Variants in ULK4 observed in about 807,000 individuals in gnomAD.
ULK4 encodes the protein inactive serine/threonine-protein kinase ULK4.
In ULK4, 133 loss-of-function variants were observed where a neutral mutation model predicts 160.6. That is an observed-to-expected ratio of 0.83 (90% CI 0.72 to 0.96). The LOEUF is 0.96. ULK4 is among the 40% of genes least tolerant of loss of function. The pLI is 0.00. For synonymous variants in ULK4, 534 were observed against 539.8 expected (o/e 0.99, Z 0.15); for missense variants, 1,580 against 1,499.5 (o/e 1.05, Z -0.89).
chr3:41,405,161 A>G (rs919486928), intron 34 of ULK4, among the ~76,000 whole-genome samples: 3 of 151,692 alleles, frequency 2.0e-5, no homozygotes, highest in African/African-American at 7.3e-5. Context: ...CCCAGTGTCT[A>G]TTTTTGCCAT....
intron 32 of ULK4, among the ~76,000 whole-genome samples, chr3:41,509,995 T>A (rs1166884609): frequency 2.0e-5 from 3 of 152,198 alleles, no homozygotes; most frequent in Non-Finnish European, 4.4e-5. Flanking sequence ...TAACGTTGAA[T>A]GTGAAATGGC....
chr3:41,481,329 G>A (rs532182020), intron 32 of ULK4, among the ~76,000 whole-genome samples: 2 of 152,324 alleles, frequency 1.3e-5, no homozygotes, highest in East Asian at 1.9e-4. Flanking sequence ...CCGAGGCAGA[G>A]AAACAGTGAA....
At chr3:41,687,612 T>C (rs2036143790) in intron 27 of ULK4, among the ~76,000 whole-genome samples, 1 of 152,166 alleles carries the variant, frequency 6.6e-6, no homozygotes, top group Non-Finnish European at 1.5e-5. Flanking sequence ...GTTGACTAGA[T>C]TCCTGTGCCT....
At chr3:41,325,118 A>C (rs1158363207) in intron 35 of ULK4, among the ~76,000 whole-genome samples, 1 of 152,170 alleles carries the variant, frequency 6.6e-6, no homozygotes, top group African/African-American at 2.4e-5. Context: ...TGATGCTTTA[A>C]ATGATATGTT....
chr3:41,446,211 A>C (rs9858044), intron 34 of ULK4, among the ~76,000 whole-genome samples: 39,356 of 151,962 alleles, frequency 0.26, 5,460 homozygotes, highest in African/African-American at 0.36. Flanking sequence ...GCAATCATTA[A>C]AAAGTCAGGA....
chr3:41,620,609 C>T (rs2033197887), intron 30 of ULK4, among the ~76,000 whole-genome samples: 1 of 152,102 alleles, frequency 6.6e-6, no homozygotes, highest in Non-Finnish European at 1.5e-5. Context: ...ATTGATGGAA[C>T]ATATGTCAAA....
intron 2 of ULK4, among the ~76,000 whole-genome samples, chr3:41,947,221 G>C (rs1471910621): frequency 2.0e-5 from 3 of 152,196 alleles, no homozygotes; most frequent in Non-Finnish European, 4.4e-5. Flanking sequence ...TCAGGCAGGA[G>C]AATGGCGTGA....
chr3:41,623,790 T>C (rs1471093583), intron 30 of ULK4, among the ~76,000 whole-genome samples: 1 of 152,138 alleles, frequency 6.6e-6, no homozygotes, highest in Non-Finnish European at 1.5e-5. Context: ...TAATGTAGTA[T>C]GTATTTCAAA....
intron 31 of ULK4, among the ~76,000 whole-genome samples, chr3:41,592,033 C>T (rs2031370953): frequency 6.6e-6 from 1 of 152,178 alleles, no homozygotes; most frequent in Admixed American, 6.5e-5. Context: ...TCCAGAACTA[C>T]TGCAGGAATA....
chr3:41,856,428 G>A (rs994233748), intron 17 of ULK4, among the ~76,000 whole-genome samples: 1 of 148,450 alleles, frequency 6.7e-6, no homozygotes, highest in African/African-American at 2.5e-5. Flanking sequence ...AATATACAGT[G>A]TACAAAACAA....
At chr3:41,635,118 C>T (rs1479849693) in intron 30 of ULK4, among the ~76,000 whole-genome samples, 1 of 152,114 alleles carries the variant, frequency 6.6e-6, no homozygotes, top group Admixed American at 6.6e-5. Context: ...GTCCCATTTC[C>T]TATAAATGGT....
At chr3:41,729,603 G>A (rs1203695444) in intron 22 of ULK4, among the ~76,000 whole-genome samples, 1 of 152,184 alleles carries the variant, frequency 6.6e-6, no homozygotes, top group Admixed American at 6.5e-5. Context: ...AACAAGGCCT[G>A]ATTCATCAAG....
At chr3:41,772,231 A>G (rs909398342) in intron 21 of ULK4, among the ~76,000 whole-genome samples, 2 of 152,244 alleles carry the variant, frequency 1.3e-5, no homozygotes, top group African/African-American at 4.8e-5. Flanking sequence ...AGCAGAACTG[A>G]AGGAGATAGA....
At chr3:41,506,760 G>T (rs2085384616) in intron 32 of ULK4, among the ~76,000 whole-genome samples, 2 of 3,264 alleles carry the variant, frequency 6.1e-4, no homozygotes, top group Non-Finnish European at 2.0e-3. Flanking sequence ...ACTGGAGTGT[G>T]ATTTAAAATA....
chr3:41,466,276 C>CTGAGCT lies in ULK4; in HGVS notation c.3227-3024_3227-3023insAGCTCA. On this transcript the variant is annotated intron_variant, in intron 32 of 36. Coordinates refer to ENST00000301831, the MANE Select transcript of ULK4 (RefSeq NM_017886.4). Reference sequence around the variant, plus strand: ...CCATGGTCTGAGCATTCGGGGTGTTCATTGCTACTGAGTCACTGATTCAGT... The same window carrying CTGAGCT: ...CCATGGTCTGAGCATTCGGGGTGTTCTGAGCTATTGCTACTGAGTCACTGATTCAGT... Among the ~76,000 whole-genome samples, 3 of 152,302 alleles carry CTGAGCT rather than the reference C, an allele frequency of 2.0e-5. No individual in the cohort carries two copies. The South Asian group carries it at 6.2e-4, about 32-fold the overall frequency.
At chr3:41,926,251 C>G (rs781175868) in intron 5 of ULK4, among the ~76,000 whole-genome samples, 19 of 152,076 alleles carry the variant, frequency 1.2e-4, no homozygotes, top group Non-Finnish European at 2.8e-4. Context: ...AGACCTGAAG[C>G]GGAGGGGCCT....
intron 17 of ULK4, among the ~76,000 whole-genome samples, chr3:41,857,204 T>C (rs1575837291): frequency 1.3e-5 from 2 of 152,272 alleles, no homozygotes; most frequent in East Asian, 3.9e-4. Flanking sequence ...TGTAGAGCCC[T>C]ATTCTCTTTC....
intron 33 of ULK4, among the ~76,000 whole-genome samples, 199 bp downstream of exon 33, chr3:41,462,888 T>C (rs903821425): frequency 4.6e-5 from 7 of 152,196 alleles, no homozygotes; most frequent in Admixed American, 2.6e-4. Context: ...CTCTCCTTCC[T>C]TCCCTGAAGA....
intron 17 of ULK4, among the ~76,000 whole-genome samples, chr3:41,855,327 G>C (rs949080177): frequency 3.3e-5 from 5 of 152,204 alleles, no homozygotes; most frequent in Non-Finnish European, 5.9e-5. Context: ...TCCAGGCAGA[G>C]AAAACCAAGC....
Sources: gnomAD v4.1 joint callset for allele counts (sites outside exome capture counted in the v4.1 genomes callset) on GRCh38, gnomAD v4.1.1 for gene constraint, MANE v1.5 for transcripts, NCBI Gene and HGNC (gene_info 2026-07-23, HGNC 2026-07-21) for gene names.